EXOC6B: variants seen among roughly 807,000 people sequenced by gnomAD.
EXOC6B encodes exocyst complex component 6B.
Under a neutral mutation model 113.5 loss-of-function variants are expected in EXOC6B, and 54 were observed. The observed-to-expected ratio is 0.48, with a 90% CI of 0.38 to 0.60. The LOEUF is 0.60. Among genes scored for constraint, EXOC6B ranks in the 20% least tolerant of loss-of-function variants. The probability of loss-of-function intolerance (pLI) is 0.00; values close to 1 mark genes in which losing one functional copy is unlikely to be tolerated. For missense variants in EXOC6B, 797 were observed against 977.5 expected, an observed-to-expected ratio of 0.82 and a Z score of 2.46; for synonymous variants, 357 against 339.0, an observed-to-expected ratio of 1.05 and a Z score of -0.58.
intron 19 of EXOC6B, among the ~76,000 whole-genome samples, chr2:72,363,929 T>C (rs962522012): frequency 2.6e-5 from 4 of 152,078 alleles, no homozygotes; most frequent in Non-Finnish European, 5.9e-5. Flanking sequence ...AATACCTCTA[T>C]GCATTTGGGA....
At chr2:72,390,012 G>C (rs1358632964) in intron 18 of EXOC6B, among the ~76,000 whole-genome samples, 1 of 152,068 alleles carries the variant, frequency 6.6e-6, no homozygotes, top group Non-Finnish European at 1.5e-5. Context: ...TTGAACCTGG[G>C]AGGTGGAGGT....
chr2:72,586,890 A>G (rs1411933641), intron 6 of EXOC6B, among the ~76,000 whole-genome samples: 1 of 152,236 alleles, frequency 6.6e-6, no homozygotes, highest in Non-Finnish European at 1.5e-5. Flanking sequence ...CAGAATGGCT[A>G]CTATTAAAAA....
intron 6 of EXOC6B, among the ~76,000 whole-genome samples, chr2:72,578,013 C>G (rs1465986465): frequency 6.6e-6 from 1 of 152,118 alleles, no homozygotes; most frequent in Admixed American, 6.5e-5. Flanking sequence ...ATATATTCTT[C>G]TCTGATTTCC....
At chr2:72,685,871 T>A (rs1467297192) in intron 6 of EXOC6B, among the ~76,000 whole-genome samples, 1 of 152,186 alleles carries the variant, frequency 6.6e-6, no homozygotes, top group East Asian at 1.9e-4. Flanking sequence ...CAGGAAGCCA[T>A]AAACAACAAG....
At chr2:72,497,895 A>C (rs1289384643) in intron 13 of EXOC6B, among the ~76,000 whole-genome samples, 4 of 152,228 alleles carry the variant, frequency 2.6e-5, no homozygotes, top group Non-Finnish European at 5.9e-5. Flanking sequence ...TAGATGTGAC[A>C]GAATAACTTT....
intron 20 of EXOC6B, among the ~76,000 whole-genome samples, chr2:72,202,959 T>C (rs1175617459): frequency 1.3e-5 from 2 of 152,234 alleles, no homozygotes; most frequent in African/African-American, 4.8e-5. Context: ...CCATTCTGCC[T>C]AAGAGCCGGC....
At chr2:72,499,353 C>G (rs966460485) in intron 12 of EXOC6B, among the ~76,000 whole-genome samples, 4 of 151,792 alleles carry the variant, frequency 2.6e-5, no homozygotes, top group Non-Finnish European at 5.9e-5. Flanking sequence ...GCCTCAGCCT[C>G]CCAAGTAGCT....
In EXOC6B at chr2:72,480,607, C is replaced by T. The variant is rs1365280683; in HGVS notation, c.1800+9G>A. On this transcript the variant is annotated intron_variant, in intron 17 of 21. Coordinates refer to ENST00000272427, the MANE Select transcript of EXOC6B (RefSeq NM_015189.3). ...GAAGCAGTTCCACAGTACTGTAGGGCCCTCTCACCTTAAAAGTTGTGGTGC... is the reference window on the plus strand; with the variant it reads ...GAAGCAGTTCCACAGTACTGTAGGGTCCTCTCACCTTAAAAGTTGTGGTGC... 1.3e-6 allele frequency: 2 copies of T among 1,573,750 alleles called. No individual in the cohort carries two copies. The highest frequency in any genetic ancestry group is 1.7e-6 in the Non-Finnish European group (2 of 1,157,920).
intron 20 of EXOC6B, among the ~76,000 whole-genome samples, chr2:72,265,927 C>T (rs1684049877): frequency 2.0e-5 from 3 of 152,128 alleles, no homozygotes; most frequent in Admixed American, 6.5e-5. Flanking sequence ...TGTTTCCTGA[C>T]TTTTTAATAA....
At chr2:72,388,563 T>A (rs111253928) in intron 18 of EXOC6B, among the ~76,000 whole-genome samples, 1 of 152,150 alleles carries the variant, frequency 6.6e-6, no homozygotes, top group Admixed American at 6.5e-5. Context: ...TTAAGTCAAG[T>A]TGTATGATAA....
chr2:72,815,784 A>G (rs1686204482), intron 1 of EXOC6B, among the ~76,000 whole-genome samples: 1 of 152,224 alleles, frequency 6.6e-6, no homozygotes, highest in Non-Finnish European at 1.5e-5. Context: ...TAAAGTGGGT[A>G]ATACCTACCA....
At chr2:72,709,644 T>C (rs1272351416) in intron 6 of EXOC6B, among the ~76,000 whole-genome samples, 1 of 152,196 alleles carries the variant, frequency 6.6e-6, no homozygotes, top group Non-Finnish European at 1.5e-5. Context: ...GAAGAGACTA[T>C]AGAAAGGCCA....
chr2:72,499,221 C>T (rs886613285), intron 12 of EXOC6B, among the ~76,000 whole-genome samples: 5 of 150,808 alleles, frequency 3.3e-5, no homozygotes, highest in Non-Finnish European at 7.4e-5. Context: ...CTTATCCAAG[C>T]TTATGTAGAT....
At chr2:72,244,089 C>G (rs2159823) in intron 20 of EXOC6B, among the ~76,000 whole-genome samples, 18,336 of 152,180 alleles carry the variant, frequency 0.12, 1,353 homozygotes, top group Admixed American at 0.16. Flanking sequence ...TCAACAAAAG[C>G]AGAATATACA....
chr2:72,627,314 T>A (rs1353833333), intron 6 of EXOC6B, among the ~76,000 whole-genome samples: 1 of 152,154 alleles, frequency 6.6e-6, no homozygotes, highest in African/African-American at 2.4e-5. Context: ...CAAATGTACA[T>A]ATTAAAAACA....
At chr2:72,422,930 G>C (rs1468569604) in intron 18 of EXOC6B, among the ~76,000 whole-genome samples, 1 of 152,176 alleles carries the variant, frequency 6.6e-6, no homozygotes, top group Non-Finnish European at 1.5e-5. Flanking sequence ...CAGGATGTGG[G>C]TGGGGCCAGA....
At chr2:72,183,470 A>G (rs1212580596) in intron 21 of EXOC6B, among the ~76,000 whole-genome samples, 7 of 152,224 alleles carry the variant, frequency 4.6e-5, no homozygotes, top group Non-Finnish European at 7.3e-5. Flanking sequence ...GAGAGGCTAC[A>G]GCTCTGTGGC....
intron 6 of EXOC6B, among the ~76,000 whole-genome samples, chr2:72,591,183 A>G (rs1339645615): frequency 1.3e-5 from 2 of 152,108 alleles, no homozygotes; most frequent in Non-Finnish European, 2.9e-5. Context: ...AATTTGGACC[A>G]TCTGTCTACA....
intron 20 of EXOC6B, among the ~76,000 whole-genome samples, chr2:72,325,242 A>T (rs1259058855): frequency 6.6e-6 from 1 of 152,114 alleles, no homozygotes; most frequent in Non-Finnish European, 1.5e-5. Flanking sequence ...TTACCCTTAA[A>T]ATCAACAGAC....
Sources: gnomAD v4.1 joint callset for allele counts (sites outside exome capture counted in the v4.1 genomes callset) on GRCh38, gnomAD v4.1.1 for gene constraint, MANE v1.5 for transcripts, NCBI Gene and HGNC (gene_info 2026-07-23, HGNC 2026-07-21) for gene names.